Variants in NAP1L4 observed in about 807,000 individuals in gnomAD.
NAP1L4 encodes nucleosome assembly protein 1-like 4.
NAP1L4 carries 15 observed loss-of-function variants against 58.2 expected under a neutral mutation model. The ratio of observed to expected loss-of-function variants is 0.26; its 90% confidence interval spans 0.17 to 0.40. The LOEUF (loss-of-function observed/expected upper bound fraction) is 0.40, where lower values mean the gene tolerates loss of function less well. Ranked by LOEUF, NAP1L4 falls within the 10% of genes least tolerant of loss-of-function variation. The probability of loss-of-function intolerance (pLI) is 1.00; values close to 1 mark genes in which losing one functional copy is unlikely to be tolerated. For synonymous variants in NAP1L4, 171 were observed against 155.6 expected (o/e 1.10, Z -0.74); for missense variants, 384 against 451.1 (o/e 0.85, Z 1.35).
intron 4 of NAP1L4, among the ~76,000 whole-genome samples, 164 bp downstream of exon 4, chr11:2,975,860 C>T (rs1485057719): frequency 2.0e-5 from 3 of 152,128 alleles, no homozygotes; most frequent in African/African-American, 7.2e-5. Flanking sequence ...GCCTAGGCAC[C>T]GGGTAGGGTC....
Position 2,959,986 on chromosome 11 carries a change from C to A in NAP1L4, c.607-77G>T. 4 of 1,444,884 alleles carry A rather than the reference C, an allele frequency of 2.8e-6. No individual in the cohort carries two copies. The highest frequency in any genetic ancestry group is 3.8e-6 in the Non-Finnish European group (4 of 1,054,770). The allele number at this position is 1,444,884 out of a possible 1,614,324, so 89.5% of individuals were successfully genotyped here. A position where few individuals can be genotyped will look rare whatever the true frequency, so the allele number is the denominator to read the frequency against. On this transcript the variant is annotated intron_variant, in intron 8 of 15. Coordinates refer to ENST00000380542, the MANE Select transcript of NAP1L4 (RefSeq NM_005969.4). This position sits in a 1 kb window ranked among gnomAD's most constrained non-coding sequence, Gnocchi z 4.9. Reference sequence around the variant, plus strand: ...GACAGATTGCTTGGAGTACACAACACTTACTAGAAGCTATTTTGGGAAAGC... The same window carrying A: ...GACAGATTGCTTGGAGTACACAACAATTACTAGAAGCTATTTTGGGAAAGC...
At chr11:2,964,391 G>A (rs1847131938) in intron 8 of NAP1L4, among the ~76,000 whole-genome samples, 1 of 152,114 alleles carries the variant, frequency 6.6e-6, no homozygotes. Flanking sequence ...CTGGCTGCAG[G>A]GTCTGGGGCA....
At chr11:2,974,742 AAAAACAAAAC>A (rs549393074) in intron 4 of NAP1L4, among the ~76,000 whole-genome samples, 109 of 152,340 alleles carry the variant, frequency 7.2e-4, no homozygotes, top group African/African-American at 2.5e-3. Flanking sequence ...CTAAAAATAC[AAAAACAAAAC>A]AAAACAAAAC....
intron 10 of NAP1L4, among the ~76,000 whole-genome samples, chr11:2,957,184 C>A (rs952123608): frequency 6.6e-6 from 1 of 152,086 alleles, no homozygotes; most frequent in African/African-American, 2.4e-5. Context: ...CAAAGTGATT[C>A]CAGAAATTAA....
At chr11:2,978,671 A>G (rs948323504) in intron 2 of NAP1L4, among the ~76,000 whole-genome samples, 1 of 152,156 alleles carries the variant, frequency 6.6e-6, no homozygotes, top group Non-Finnish European at 1.5e-5. Context: ...AAACCCATCA[A>G]CCAACGAACA....
At chr11:2,961,158 AC>A (rs1204087763) in intron 8 of NAP1L4, among the ~76,000 whole-genome samples, 1 of 152,196 alleles carries the variant, frequency 6.6e-6, no homozygotes, top group Non-Finnish European at 1.5e-5. Flanking sequence ...AAAAAAATAT[AC>A]AGCAAAAAAA....
At chr11:2,961,501 TA>T (rs34999812) in intron 8 of NAP1L4, among the ~76,000 whole-genome samples, 27,186 of 138,778 alleles carry the variant, frequency 0.2, 4,330 homozygotes, top group African/African-American at 0.46. Flanking sequence ...CTCCACGGCT[TA>T]AAAAAAAAAA....
rs774443094 is a variant in NAP1L4, at chr11:2,954,496, G to C, written c.1035+31C>G. 3.1e-6 allele frequency: 5 copies of C among 1,613,058 alleles called. No individual in the cohort carries two copies. In the Admixed American group the frequency reaches 5.0e-5, roughly 16 times the overall value. On this transcript the variant is annotated intron_variant, in intron 12 of 15. Coordinates refer to ENST00000380542, the MANE Select transcript of NAP1L4 (RefSeq NM_005969.4). The surrounding 1 kb of genome is among the most constrained non-coding windows in gnomAD (Gnocchi z 4.8). ...CTGCACCAACAGAGATAAGCACCCA[G>C]GTGGAAGCCCCCCTTCCCCGAGCCT...
chr11:2,990,246 G>GTTAACACACGTCTTAATAA (rs1848880226), intron 1 of NAP1L4: 2 of 152,246 alleles, frequency 1.3e-5, no homozygotes, highest in East Asian at 3.9e-4. Context: ...ATTTAAGACG[G>GTTAACACACGTCTTAATAA]CAGTAACGTG....
intron 1 of NAP1L4, among the ~76,000 whole-genome samples, chr11:2,980,377 G>A (rs1848232619): frequency 1.3e-5 from 2 of 152,074 alleles, no homozygotes; most frequent in Admixed American, 6.6e-5. Context: ...TAGAGATAGG[G>A]TCTGGCTAAG....
Position 2,959,867 on chromosome 11 carries a change from T to C in NAP1L4, c.649A>G (p.Thr217Ala). The change falls in exon 9 of 16, where the codon ACC becomes GCC. Residue 217 changes from threonine (T) to alanine (A), a missense_variant. By Grantham distance (58) the Thr-to-Ala change is moderately conservative (BLOSUM62 0). Transcript: ENST00000380542. The surrounding 1 kb of genome is among the most constrained non-coding windows in gnomAD (Gnocchi z 4.9). ...EFHFEPNDYF[T>A]NSVLTKTYKM... ...TAGGTTTTTGTCAGGACTGAGTTGGTAAAGTAGTCGTTGGGTTCAAAGTGG... is the reference window on the plus strand; with the variant it reads ...TAGGTTTTTGTCAGGACTGAGTTGGCAAAGTAGTCGTTGGGTTCAAAGTGG... 2 of 1,614,156 alleles carry C rather than the reference T, an allele frequency of 1.2e-6. No individual in the cohort carries two copies. The highest frequency in any genetic ancestry group is 2.2e-5 in the South Asian group (2 of 91,076).
chr11:2,990,866 T>C (rs1848920905), intron 1 of NAP1L4: 1 of 323,206 alleles, frequency 3.1e-6, no homozygotes, highest in Non-Finnish European at 6.3e-6. Flanking sequence ...CATTTAGAGG[T>C]ATAGTTACTA....
intron 2 of NAP1L4, among the ~76,000 whole-genome samples, chr11:2,978,825 C>T (rs1848126112): frequency 6.6e-6 from 1 of 152,126 alleles, no homozygotes; most frequent in Non-Finnish European, 1.5e-5. Context: ...CTGGACACAC[C>T]TCCCTCACAA....
Position 2,944,688 on chromosome 11 carries a change from C to T in NAP1L4, c.*991G>A, listed in dbSNP as rs1242299518. On this transcript the variant is annotated 3_prime_UTR_variant, in exon 16 of 16. Coordinates refer to ENST00000380542, the MANE Select transcript of NAP1L4 (RefSeq NM_005969.4). ...ATGGTGGGGCCCCGCAATGGGGCTA[C>T]TGAGAAAGCAGGACTTGACGCTCAT... is the stretch of plus-strand genomic sequence containing the variant. 1 of 152,240 alleles carries T rather than the reference C, an allele frequency of 6.6e-6. No individual in the cohort carries two copies. Among genetic ancestry groups the T allele is most frequent in the Non-Finnish European group, 1.5e-5 (1 of 68,054 alleles). The allele number at this position is 152,240 out of a possible 1,614,324, so 9.4% of individuals were successfully genotyped here.
intron 6 of NAP1L4, 36 bp from the exon 7 acceptor site, chr11:2,969,970 A>T (rs757254684): frequency 6.3e-7 from 1 of 1,592,478 alleles, no homozygotes; most frequent in Admixed American, 1.8e-5. Context: ...ACGAAAATAA[A>T]AGTTTACAAA....
chr11:2,983,611 A>T (rs185732916), intron 1 of NAP1L4: 3 of 152,230 alleles, frequency 2.0e-5, no homozygotes, highest in East Asian at 3.9e-4. Flanking sequence ...AAAAGTGCTA[A>T]ATCAAGGATA....
chr11:2,963,056 T>A (rs1323062489), intron 8 of NAP1L4, among the ~76,000 whole-genome samples: 4 of 121,946 alleles, frequency 3.3e-5, no homozygotes, highest in Admixed American at 1.2e-4. Flanking sequence ...GCCGAGATCA[T>A]ATCACTGCAC....
chr11:2,987,553 C>T (rs1354825069), intron 1 of NAP1L4, among the ~76,000 whole-genome samples: 1 of 151,180 alleles, frequency 6.6e-6, no homozygotes, highest in Non-Finnish European at 1.5e-5. Flanking sequence ...GTCAGGAGTT[C>T]GAGACCAGCC....
chr11:2,953,984 C>T (rs1186918468), intron 12 of NAP1L4, among the ~76,000 whole-genome samples: 1 of 152,204 alleles, frequency 6.6e-6, no homozygotes, highest in African/African-American at 2.4e-5. Context: ...GGGCTGTGCA[C>T]CCGCAAGTTC....
Sources: gnomAD v4.1 joint callset for allele counts (sites outside exome capture counted in the v4.1 genomes callset) on GRCh38, gnomAD v4.1.1 for gene constraint, Gnocchi (gnomAD v3.1) non-coding constraint, MANE v1.5 for transcripts, NCBI Gene and HGNC (gene_info 2026-07-23, HGNC 2026-07-21) for gene names.